The following NEK5 variants were observed in gnomAD, a reference collection of about 807,000 sequenced individuals.
NEK5 encodes the protein serine/threonine-protein kinase Nek5.
NEK5 carries 88 observed loss-of-function variants against 109.2 expected under a neutral mutation model. The ratio of observed to expected loss-of-function variants is 0.81; its 90% CI spans 0.68 to 0.96. The LOEUF (loss-of-function observed/expected upper bound fraction) is 0.96, where lower values mean the gene tolerates loss of function less well. Ranked by LOEUF, NEK5 falls within the 40% of genes least tolerant of loss-of-function variation. The pLI, the probability that NEK5 is intolerant of heterozygous loss-of-function variation, is 0.00. For synonymous variants in NEK5, 283 were observed against 299.9 expected, an observed-to-expected ratio of 0.94 and a Z score of 0.58; for missense variants, 834 against 920.7, an observed-to-expected ratio of 0.91 and a Z score of 1.22.
chr13:52,070,202 G>A (rs1243366429), intron 20 of NEK5, among the ~76,000 whole-genome samples: 1 of 152,172 alleles, frequency 6.6e-6, no homozygotes, highest in East Asian at 1.9e-4. Context: ...CAGGCTGTAT[G>A]GATCCCATTT....
At chr13:52,081,394 A>G (rs898120404) in intron 17 of NEK5, among the ~76,000 whole-genome samples, 1 of 152,076 alleles carries the variant, frequency 6.6e-6, no homozygotes, top group African/African-American at 2.4e-5. Context: ...GGGTCTCACT[A>G]TATTACCAAG....
chr13:52,057,221 A>G (rs1954565437), intron 22 of NEK5, among the ~76,000 whole-genome samples: 1 of 152,198 alleles, frequency 6.6e-6, no homozygotes, highest in Non-Finnish European at 1.5e-5. Context: ...ATTCCTCGAC[A>G]CATACACTCT....
intron 4 of NEK5, among the ~76,000 whole-genome samples, chr13:52,115,540 G>A (rs1955839480): frequency 1.4e-5 from 2 of 146,654 alleles, no homozygotes; most frequent in African/African-American, 5.0e-5. Flanking sequence ...GGGAGGTGGA[G>A]GTGCAGTGAG....
intron 9 of NEK5, among the ~76,000 whole-genome samples, chr13:52,103,504 G>A (rs982139711): frequency 2.6e-5 from 4 of 152,190 alleles, no homozygotes; most frequent in African/African-American, 9.6e-5. Flanking sequence ...TAACAATGAT[G>A]ACAGCTGTGG....
At chr13:52,083,162 G>A in intron 17 of NEK5, 98 bp downstream of exon 17, 2 of 748,754 alleles carry the variant, frequency 2.7e-6, no homozygotes, top group Non-Finnish European at 4.5e-6. Context: ...AAAAAAAAAA[G>A]TTCCCTACGT....
intron 21 of NEK5, among the ~76,000 whole-genome samples, chr13:52,062,610 A>T (rs1954622950): frequency 6.6e-6 from 1 of 151,882 alleles, no homozygotes; most frequent in African/African-American, 2.4e-5. Flanking sequence ...TAGTAGAGAC[A>T]GGGTTTCACC....
rs1260274904 is a variant in NEK5 at position 52,110,532 on chromosome 13, G to T, written c.358C>A (p.His120Asn). The part of the protein sequence containing the change: ...VQISLGLKHI[H>N]DRKILHRDIK... ...TCCCTGTGTAATATCTTCCTGTCAT[G>T]AATATGTTTTAGTCCTAGAGAAATC... Residue 120 changes from histidine (H) to asparagine (N), a missense_variant, in exon 6 of 24, where the codon CAT (histidine) becomes AAT (asparagine). His to Asn is a moderately conservative substitution (Grantham distance 68). Around this residue, in one of 2 missense-constraint regions of NEK5, gnomAD observed 777 missense variants for 824.7 expected, o/e 0.94. Coordinates refer to ENST00000684899, the MANE Select transcript of NEK5 (RefSeq NM_001365552.1). 6.2e-7 allele frequency: 1 copy of T among 1,612,780 alleles called. No individual in the cohort carries two copies. Among genetic ancestry groups the T allele is most frequent in the Non-Finnish European group, 8.5e-7 (1 of 1,179,056 alleles).
chr13:52,117,776 T>C (rs1383308882), intron 4 of NEK5, among the ~76,000 whole-genome samples: 2 of 152,210 alleles, frequency 1.3e-5, no homozygotes, highest in African/African-American at 4.8e-5. Context: ...TAGACATATG[T>C]AAGTACAACT....
chr13:52,115,073 C>A (rs1244617351), intron 4 of NEK5, among the ~76,000 whole-genome samples: 1 of 150,200 alleles, frequency 6.7e-6, no homozygotes, highest in East Asian at 2.0e-4. Flanking sequence ...AGTGCAGTGG[C>A]GCAATCTCGG....
chr13:52,072,045 A>G lies in NEK5; in HGVS notation c.1748T>C (p.Leu583Ser). Residue 583 changes from leucine (L) to serine (S), a missense_variant, in exon 20 of 24, where the codon TTG becomes TCG. Around this residue, in one of 2 missense-constraint regions of NEK5, gnomAD observed 777 missense variants for 824.7 expected, o/e 0.94. Transcript: ENST00000684899. ...AAACTTCATGCCATCCTCAAAGGTC[A>G]AAGTTTCATTTGGTATATCCATTGC... ...EEAMDIPNET[L>S]TFEDGMKFKE... is the part of the protein sequence containing the mutation. 6.2e-7 allele frequency: 1 copy of G among 1,611,436 alleles called. No individual in the cohort carries two copies. The highest frequency in any genetic ancestry group is 8.5e-7 in the Non-Finnish European group (1 of 1,177,672).
chr13:52,065,746 C>T (rs1166146516), intron 20 of NEK5, 137 bp from the exon 21 acceptor site: 2 of 627,312 alleles, frequency 3.2e-6, no homozygotes, highest in African/African-American at 1.8e-5. Context: ...CTTGTTCTAA[C>T]AGATATAAGA....
intron 23 of NEK5, among the ~76,000 whole-genome samples, chr13:52,047,875 T>C (rs1954472704): frequency 6.6e-6 from 1 of 152,062 alleles, no homozygotes; most frequent in Admixed American, 6.6e-5. Context: ...TAATAAAATT[T>C]TAAAAATTCA....
intron 22 of NEK5, among the ~76,000 whole-genome samples, chr13:52,058,752 G>C (rs1186107967): frequency 6.6e-6 from 1 of 152,220 alleles, no homozygotes; most frequent in African/African-American, 2.4e-5. Flanking sequence ...CTAGCCACAT[G>C]TAGAAAGCTG....
intron 17 of NEK5, among the ~76,000 whole-genome samples, chr13:52,076,472 G>A (rs1055088978): frequency 1.3e-5 from 2 of 152,188 alleles, no homozygotes; most frequent in Non-Finnish European, 2.9e-5. Context: ...AATAAGCAAA[G>A]TGCGCAACTC....
At chr13:52,095,372 A>G (rs1427106711) in intron 12 of NEK5, among the ~76,000 whole-genome samples, 4 of 152,226 alleles carry the variant, frequency 2.6e-5, no homozygotes, top group Non-Finnish European at 4.4e-5. Context: ...GGCAATAAAC[A>G]TTTTCTTTAA....
intron 12 of NEK5, among the ~76,000 whole-genome samples, chr13:52,097,695 A>C (rs948107416): frequency 1.3e-5 from 2 of 151,772 alleles, no homozygotes; most frequent in Non-Finnish European, 2.9e-5. Context: ...TCTCAGAGAG[A>C]CCTTGAATTG....
chr13:52,086,009 T>C (rs954291575), intron 16 of NEK5, among the ~76,000 whole-genome samples: 5 of 152,184 alleles, frequency 3.3e-5, no homozygotes, highest in African/African-American at 1.2e-4. Context: ...GAGTGATTCA[T>C]GAAGGAAACA....
In NEK5 at chr13:52,072,058, G is replaced by C; in HGVS notation, c.1735C>G (p.Pro579Ala). ...ILQEEEAMDI[P>A]NETLTFEDGM... is the part of the protein sequence containing the mutation. ...TCCTCAAAGGTCAAAGTTTCATTTGGTATATCCATTGCCTAAATCAATTCC... is the reference window on the plus strand; with the variant it reads ...TCCTCAAAGGTCAAAGTTTCATTTGCTATATCCATTGCCTAAATCAATTCC... The change falls in exon 20 of 24, where the codon CCA (proline) becomes GCA (alanine). Residue 579 changes from proline (P) to alanine (A), a missense_variant. By Grantham distance (27) the Pro-to-Ala change is conservative. Coordinates refer to ENST00000684899, the MANE Select transcript of NEK5 (RefSeq NM_001365552.1). The C allele has an allele frequency of 6.2e-7, 1 of 1,610,910 alleles. No individual in the cohort carries two copies.
chr13:52,059,676 T>C lies in NEK5; in HGVS notation c.2110+2143A>G, dbSNP rs1188556684. Among the ~76,000 whole-genome samples the C allele has an allele frequency of 6.0e-5, 9 of 151,260 alleles. No homozygotes were observed. In the South Asian group the frequency reaches 1.1e-3, roughly 18 times the overall value. On this transcript the variant is annotated intron_variant, in intron 22 of 23. Coordinates refer to ENST00000684899, the MANE Select transcript of NEK5 (RefSeq NM_001365552.1). ...GTAGGGACATGGATGAAATTGGAAA[T>C]CATCATTCTCAGTAAACTATCGCAA...
Sources: gnomAD v4.1 joint callset for allele counts (sites outside exome capture counted in the v4.1 genomes callset) on GRCh38, gnomAD v4.1.1 for gene constraint, gnomAD v4.1.1 regional missense constraint, MANE v1.5 for transcripts, NCBI Gene and HGNC (gene_info 2026-07-23, HGNC 2026-07-21) for gene names.